Variants in MACROD2 observed in about 807,000 individuals in gnomAD.
The protein encoded by MACROD2 is mono-ADP ribosylhydrolase 2, also known as ADP-ribose glycohydrolase MACROD2.
Under a neutral mutation model 70.4 loss-of-function variants are expected in MACROD2, and 36 were observed. That is an observed-to-expected ratio of 0.51 (90% CI 0.39 to 0.68). MACROD2 has a LOEUF of 0.68. MACROD2 is among the 30% of genes least tolerant of loss of function. The pLI is 0.00. For missense variants in MACROD2, 496 were observed against 538.4 expected (o/e 0.92, Z 0.78); for synonymous variants, 172 against 178.8 (o/e 0.96, Z 0.30).
intron 5 of MACROD2, among the ~76,000 whole-genome samples, chr20:14,783,625 G>A (rs1219745221): frequency 6.6e-6 from 1 of 152,102 alleles, no homozygotes; most frequent in African/African-American, 2.4e-5. Context: ...GTAGTCTTCA[G>A]TTTGGTTTCC....
At chr20:14,077,736 C>T (rs2053931506) in intron 2 of MACROD2, among the ~76,000 whole-genome samples, 1 of 151,888 alleles carries the variant, frequency 6.6e-6, no homozygotes, top group South Asian at 2.1e-4. Context: ...TTCAAGCTGG[C>T]TATGATTAAA....
chr20:14,882,855 G>T (rs2073626029), intron 5 of MACROD2, among the ~76,000 whole-genome samples: 1 of 152,068 alleles, frequency 6.6e-6, no homozygotes, highest in African/African-American at 2.4e-5. Context: ...ATTCAAGAAG[G>T]ACTTAAGTAT....
intron 9 of MACROD2, among the ~76,000 whole-genome samples, chr20:15,868,933 C>T (rs553822530): frequency 6.6e-6 from 1 of 151,708 alleles, no homozygotes. Context: ...TACAGGCACA[C>T]TCCACCATGC....
intron 8 of MACROD2, among the ~76,000 whole-genome samples, chr20:15,569,623 A>G (rs766960624): frequency 9.9e-5 from 15 of 152,184 alleles, no homozygotes; most frequent in Non-Finnish European, 1.9e-4. Context: ...ATCTGCATAT[A>G]AGAAGTGAGA....
chr20:14,659,652 T>A (rs757369597), intron 4 of MACROD2, among the ~76,000 whole-genome samples: 3 of 152,148 alleles, frequency 2.0e-5, no homozygotes, highest in Admixed American at 6.5e-5. Flanking sequence ...TAAACACTAG[T>A]GGGAAAAAGC....
intron 8 of MACROD2, among the ~76,000 whole-genome samples, chr20:15,644,433 A>G (rs1467840396): frequency 6.6e-6 from 1 of 152,076 alleles, no homozygotes; most frequent in East Asian, 1.9e-4. Context: ...TAGAGTCTGC[A>G]TTCACCCTTC....
intron 6 of MACROD2, among the ~76,000 whole-genome samples, chr20:15,348,748 G>A (rs546588479): frequency 2.0e-5 from 3 of 152,100 alleles, no homozygotes; most frequent in East Asian, 1.9e-4. Context: ...TCATTATCAC[G>A]AGAACAGCAC....
chr20:15,309,166 T>C (rs1379731585), intron 6 of MACROD2, among the ~76,000 whole-genome samples: 1 of 152,226 alleles, frequency 6.6e-6, no homozygotes, highest in East Asian at 1.9e-4. Context: ...TCTACAAAGT[T>C]ATTTTTCATA....
In MACROD2 at chr20:15,363,177, C is replaced by A. The variant is rs117532769; in HGVS notation, c.541-68228C>A. ...TCTTTGTAAAGCTGGGTGTTCCCTCCCTTGAGAATTCCCACAGGATTCAGA... is the reference window on the plus strand; with the variant it reads ...TCTTTGTAAAGCTGGGTGTTCCCTCACTTGAGAATTCCCACAGGATTCAGA... On this transcript the variant is annotated intron_variant, in intron 6 of 17. Transcript: ENST00000684519. Among the ~76,000 whole-genome samples the A allele has an allele frequency of 6.4e-3, 981 of 152,280 alleles. 8 individuals carry two copies. The highest frequency in any genetic ancestry group is 9.7e-3 in the Non-Finnish European group (659 of 68,032).
At chr20:15,176,550 T>C (rs1321882154) in intron 5 of MACROD2, among the ~76,000 whole-genome samples, 1 of 152,126 alleles carries the variant, frequency 6.6e-6, no homozygotes, top group Non-Finnish European at 1.5e-5. Context: ...TCCTCTCTGC[T>C]GAGAGCTGGA....
chr20:15,709,377 T>A (rs1054103701), intron 8 of MACROD2, among the ~76,000 whole-genome samples: 1 of 152,212 alleles, frequency 6.6e-6, no homozygotes, highest in Non-Finnish European at 1.5e-5. Flanking sequence ...ACTGTACCTA[T>A]AGGCCAGGTG....
chr20:15,544,892 G>A (rs1163922005), intron 8 of MACROD2, among the ~76,000 whole-genome samples: 8 of 152,292 alleles, frequency 5.3e-5, no homozygotes, highest in African/African-American at 1.7e-4. Flanking sequence ...ACTGAGCAGC[G>A]GTGGGGTCAC....
chr20:15,416,597 T>A (rs887500190), intron 6 of MACROD2, among the ~76,000 whole-genome samples: 2 of 152,110 alleles, frequency 1.3e-5, no homozygotes, highest in Non-Finnish European at 2.9e-5. Context: ...TTTGCACATG[T>A]AATTGGTTTA....
At chr20:14,348,127 G>A (rs938938285) in intron 3 of MACROD2, among the ~76,000 whole-genome samples, 7 of 151,916 alleles carry the variant, frequency 4.6e-5, no homozygotes, top group South Asian at 2.1e-4. Context: ...AACATTAGCC[G>A]GTGTGGTGGT....
At chr20:14,786,265 T>A (rs2072373016) in intron 5 of MACROD2, among the ~76,000 whole-genome samples, 1 of 148,598 alleles carries the variant, frequency 6.7e-6, no homozygotes. Flanking sequence ...TGACATTTTC[T>A]TGAGAACTGA....
intron 5 of MACROD2, among the ~76,000 whole-genome samples, chr20:14,725,844 G>A (rs1256381331): frequency 6.6e-6 from 1 of 152,102 alleles, no homozygotes; most frequent in Non-Finnish European, 1.5e-5. Flanking sequence ...TCAGCACTTT[G>A]GGGCTGCTCT....
At chr20:14,968,493 G>C (rs6043034) in intron 5 of MACROD2, among the ~76,000 whole-genome samples, 1 of 152,044 alleles carries the variant, frequency 6.6e-6, no homozygotes, top group African/African-American at 2.4e-5. Context: ...GTGGGACTGG[G>C]GTGGTGTCCA....
chr20:14,869,146 G>A (rs958446476), intron 5 of MACROD2, among the ~76,000 whole-genome samples: 1 of 152,176 alleles, frequency 6.6e-6, no homozygotes, highest in Admixed American at 6.5e-5. Context: ...GATGGTTGTT[G>A]TTGAGTGAGA....
chr20:14,048,213 C>T (rs2148646027), intron 2 of MACROD2, among the ~76,000 whole-genome samples: 1 of 152,222 alleles, frequency 6.6e-6, no homozygotes, highest in South Asian at 2.1e-4. Flanking sequence ...GAAGATCAGA[C>T]TCAGATCCAT....
Sources: gnomAD v4.1 joint callset for allele counts (sites outside exome capture counted in the v4.1 genomes callset) on GRCh38, gnomAD v4.1.1 for gene constraint, MANE v1.5 for transcripts, NCBI Gene and HGNC (gene_info 2026-07-23, HGNC 2026-07-21) for gene names.